DNAJA3: variants seen among roughly 807,000 people sequenced by gnomAD.
The protein encoded by DNAJA3 is dnaJ homolog subfamily A member 3, mitochondrial.
In DNAJA3, 29 loss-of-function variants were observed where a neutral mutation model predicts 54.9. That is an observed-to-expected ratio of 0.53 (90% CI 0.39 to 0.72). The LOEUF is 0.72. DNAJA3 is among the 30% of genes least tolerant of loss of function. The pLI is 0.00. For missense variants in DNAJA3, 708 were observed against 639.4 expected (o/e 1.11, Z -1.16); for synonymous variants, 302 against 251.4 (o/e 1.20, Z -1.90).
At position 4,441,390 on chromosome 16, in the gene DNAJA3, G is replaced by C. The variant is rs1379712529; in HGVS notation, c.445G>C (p.Val149Leu). Residue 149 changes from valine (V) to leucine (L), a missense_variant, in exon 4 of 12, where the codon GTG (valine) becomes CTG (leucine). Physicochemically the swap from Val to Leu is conservative, Grantham distance 32. Transcript: ENST00000262375. ...TTCACTGTAGGTTTTGAGTGATGAG[G>C]TGAAGAGGAAGCAGTACGATGCCTA... The part of the protein sequence containing the change: ...AEAYEVLSDE[V>L]KRKQYDAYGS... 2 of 1,613,418 alleles carry C rather than the reference G, an allele frequency of 1.2e-6. No homozygotes were observed. Among genetic ancestry groups the C allele is most frequent in the South Asian group, 1.1e-5 (1 of 91,030 alleles).
At chr16:4,453,437 T>A (rs886207816) in intron 10 of DNAJA3, among the ~76,000 whole-genome samples, 3 of 151,658 alleles carry the variant, frequency 2.0e-5, no homozygotes, top group Admixed American at 6.6e-5. Flanking sequence ...GTTGTTCTTT[T>A]TTTTTTTTTC....
chr16:4,441,383 T>G lies in DNAJA3; in HGVS notation c.438T>G (p.Ser146Arg), dbSNP rs757715919. 4 of 1,611,946 alleles carry G rather than the reference T, an allele frequency of 2.5e-6. No individual in the cohort carries two copies. The highest frequency in any genetic ancestry group is 3.4e-6 in the Non-Finnish European group (4 of 1,179,100). Residue 146 changes from serine to arginine, a missense_variant, in exon 4 of 12, where the codon AGT (serine) becomes AGG (arginine). By Grantham distance (110) the Ser-to-Arg change is moderately radical. Coordinates refer to ENST00000262375, the MANE Select transcript of DNAJA3 (RefSeq NM_005147.6). ...TCTGCCTTTCACTGTAGGTTTTGAG[T>G]GATGAGGTGAAGAGGAAGCAGTACG... Reference protein sequence around the residue: ...SQLAEAYEVLSDEVKRKQYDA... With the variant: ...SQLAEAYEVLRDEVKRKQYDA...
intron 1 of DNAJA3, 178 bp from the exon 2 acceptor site, chr16:4,434,206 C>T (rs905851844): frequency 1.6e-6 from 1 of 641,966 alleles, no homozygotes; most frequent in Non-Finnish European, 2.6e-6. Flanking sequence ...TCAGGTCCCT[C>T]CCATGACACG....
intron 3 of DNAJA3, among the ~76,000 whole-genome samples, chr16:4,439,701 G>A (rs113501286): frequency 0.038 from 5,779 of 152,234 alleles, 166 homozygotes; most frequent in Admixed American, 0.1. Flanking sequence ...GAACCTAAGA[G>A]CAGCAATTCC....
intron 1 of DNAJA3, among the ~76,000 whole-genome samples, chr16:4,428,779 T>C (rs1409886354): frequency 1.3e-5 from 2 of 152,210 alleles, no homozygotes; most frequent in African/African-American, 4.8e-5. Flanking sequence ...GGCTCACGAC[T>C]GTAATTCCAG....
intron 6 of DNAJA3, among the ~76,000 whole-genome samples, chr16:4,443,770 T>C (rs1227492310): frequency 6.6e-6 from 1 of 151,790 alleles, no homozygotes; most frequent in East Asian, 2.0e-4. Context: ...CACTGCAAGC[T>C]CTGCCTCCCA....
chr16:4,434,150 G>A (rs2056742189), intron 1 of DNAJA3: 5 of 498,160 alleles, frequency 1.0e-5, no homozygotes, highest in African/African-American at 4.0e-5. Context: ...TTACTATCGC[G>A]AGACCAGCAT....
At chr16:4,442,662 C>G in intron 5 of DNAJA3, 1 of 526,032 alleles carries the variant, frequency 1.9e-6, no homozygotes, top group Non-Finnish European at 3.3e-6. Context: ...ATCCAGTTGT[C>G]ACTTTCTTCT....
At position 4,448,852 on chromosome 16, in the gene DNAJA3, A is replaced by C. The variant is rs373677457; in HGVS notation, c.1241+4A>C. ...ACATCAAGATACGAGTTCCAAAGTA[A>C]GTGCCCCCTAGGCTGTGGCCAAGCC... On this transcript the variant is annotated splice_donor_region_variant and intron_variant, in intron 9 of 11. Transcript: ENST00000262375. 6.2e-7 allele frequency: 1 copy of C among 1,610,308 alleles called. No individual in the cohort carries two copies. The highest frequency in any genetic ancestry group is 1.3e-5 in the African/African-American group (1 of 74,852).
At chr16:4,433,234 G>A (rs1332469406) in intron 1 of DNAJA3, 1 of 152,228 alleles carries the variant, frequency 6.6e-6, no homozygotes, top group African/African-American at 2.4e-5. Flanking sequence ...ATTAAAAAAG[G>A]TGCTGTGAAT....
At chr16:4,455,474 C>A in intron 11 of DNAJA3, 72 bp from the exon 12 acceptor site, 1 of 1,524,734 alleles carries the variant, frequency 6.6e-7, no homozygotes, top group African/African-American at 1.4e-5. Context: ...CAGGGATTAA[C>A]AGACGCTCCC....
At chr16:4,436,230 C>T (rs889294054) in intron 2 of DNAJA3, among the ~76,000 whole-genome samples, 1 of 152,078 alleles carries the variant, frequency 6.6e-6, no homozygotes, top group South Asian at 2.1e-4. Flanking sequence ...AGCAGAGATC[C>T]TGGCCTGTGA....
chr16:4,448,668 T>C (rs1236022380), intron 8 of DNAJA3, 65 bp from the exon 9 acceptor site: 2 of 1,083,690 alleles, frequency 1.8e-6, no homozygotes, highest in Admixed American at 1.9e-5. Flanking sequence ...TGTCTTCATG[T>C]AGTGAAAACT....
chr16:4,445,502 T>C lies in DNAJA3; in HGVS notation c.996+774T>C, dbSNP rs567817131. 5.6e-4 allele frequency among the ~76,000 whole-genome samples: 86 copies of C among 152,344 alleles called. 2 individuals carry two copies. The South Asian group carries it at 0.017, about 30-fold the overall frequency. On this transcript the variant is annotated intron_variant, in intron 7 of 11. Transcript: ENST00000262375. Reference sequence around the variant, plus strand: ...ATGATAAATGTTAAAGTCAGGGTTGTGGTTAGCTGAGGAGGGCAAGACTCA... The same window carrying C: ...ATGATAAATGTTAAAGTCAGGGTTGCGGTTAGCTGAGGAGGGCAAGACTCA...
intron 9 of DNAJA3, chr16:4,449,908 G>C (rs2056955146): frequency 6.6e-6 from 1 of 151,684 alleles, no homozygotes. Context: ...TCCTGCCTCA[G>C]CCTCCCAAGT....
chr16:4,443,089 A>T lies in DNAJA3; in HGVS notation c.856A>T (p.Ile286Leu). The change falls in exon 6 of 12, where the codon ATA (isoleucine) becomes TTA (leucine). Residue 286 changes from isoleucine to leucine, a missense_variant. Coordinates refer to ENST00000262375, the MANE Select transcript of DNAJA3 (RefSeq NM_005147.6). The stretch of plus-strand genomic sequence containing the variant: ...ATGTGGTGGCCGCGGCTCCATCATC[A>T]TATCGCCCTGTGTGGTCTGCAGGGG... The part of the protein sequence containing the change: ...RRCGGRGSII[I>L]SPCVVCRGAG... 2.5e-6 allele frequency: 4 copies of T among 1,614,034 alleles called. No homozygotes were observed. The highest frequency in any genetic ancestry group is 2.5e-6 in the Non-Finnish European group (3 of 1,180,010).
At chr16:4,445,450 A>G (rs1483137842) in intron 7 of DNAJA3, among the ~76,000 whole-genome samples, 2 of 152,256 alleles carry the variant, frequency 1.3e-5, no homozygotes, top group African/African-American at 4.8e-5. Context: ...GGACACGGAA[A>G]TACATAGTAA....
Position 4,455,750 on chromosome 16 carries a change from C to T in DNAJA3, c.*218C>T. On this transcript the variant is annotated 3_prime_UTR_variant, in exon 12 of 12. Coordinates refer to ENST00000262375, the MANE Select transcript of DNAJA3 (RefSeq NM_005147.6). ...ACAGCCCGGGCAGTAGGATGCAGCC[C>T]CAGAGGCTGGTGGCAGTTTCCTGTC... 4.5e-6 allele frequency: 3 copies of T among 662,994 alleles called. No individual in the cohort carries two copies. Among genetic ancestry groups the T allele is most frequent in the Non-Finnish European group, 7.8e-6 (3 of 385,870 alleles). The allele number at this position is 662,994 out of a possible 1,614,324, so 41.1% of individuals were successfully genotyped here.
chr16:4,455,531 A>G lies in DNAJA3; in HGVS notation c.*14-15A>G, dbSNP rs755620740. On this transcript the variant is annotated splice_polypyrimidine_tract_variant and intron_variant, in intron 11 of 11. Coordinates refer to ENST00000262375, the MANE Select transcript of DNAJA3 (RefSeq NM_005147.6). ...AATGTTGAGTATAAGGTAACAGCCT[A>G]TCTCTTTGGCTCAGGAAAAAGATCC... is the stretch of plus-strand genomic sequence containing the variant. The G allele has an allele frequency of 2.6e-6, 4 of 1,551,736 alleles. No homozygotes were observed. The highest frequency in any genetic ancestry group is 3.5e-6 in the Non-Finnish European group (4 of 1,146,948).
Sources: allele counts gnomAD v4.1 joint callset (sites outside exome capture counted in the v4.1 genomes callset), GRCh38; gene constraint gnomAD v4.1.1; transcripts MANE v1.5; gene names NCBI Gene and HGNC (gene_info 2026-07-23, HGNC 2026-07-21).